Variants in HMBOX1 observed in about 807,000 individuals in gnomAD.
The protein encoded by HMBOX1 is homeobox containing 1.
HMBOX1 carries 14 observed loss-of-function variants against 54.5 expected under a neutral mutation model. That is an observed-to-expected ratio of 0.26 (90% CI 0.17 to 0.40). The LOEUF is 0.40. HMBOX1 is among the 10% of genes least tolerant of loss of function. The pLI is 1.00. For missense variants in HMBOX1, 332 were observed against 514.4 expected (o/e 0.65, Z 3.43); for synonymous variants, 160 against 181.0 (o/e 0.88, Z 0.93).
chr8:28,941,339 T>TA (rs1477847740), intron 1 of HMBOX1, among the ~76,000 whole-genome samples: 1 of 152,194 alleles, frequency 6.6e-6, no homozygotes, highest in Non-Finnish European at 1.5e-5. Flanking sequence ...GTCCTCAATT[T>TA]AAAAAACAAA....
chr8:28,926,306 C>T (rs10108824), intron 1 of HMBOX1, among the ~76,000 whole-genome samples: 21 of 148,042 alleles, frequency 1.4e-4, no homozygotes, highest in Admixed American at 6.0e-4. Flanking sequence ...TATATATATA[C>T]ACACACACAC....
intron 5 of HMBOX1, 24 bp downstream of exon 5, chr8:29,009,206 A>G (rs2132840226): frequency 6.5e-7 from 1 of 1,536,456 alleles, no homozygotes; most frequent in South Asian, 1.1e-5. Flanking sequence ...CCTTTTATTT[A>G]TTGCATCTGA....
intron 1 of HMBOX1, among the ~76,000 whole-genome samples, chr8:28,931,940 A>G (rs1585886067): frequency 6.6e-6 from 1 of 152,228 alleles, no homozygotes; most frequent in East Asian, 1.9e-4. Flanking sequence ...AATGAGCCTG[A>G]AACAATCTCT....
intron 1 of HMBOX1, among the ~76,000 whole-genome samples, chr8:28,954,765 G>A (rs1824104289): frequency 6.6e-6 from 1 of 152,200 alleles, no homozygotes; most frequent in African/African-American, 2.4e-5. Context: ...AAAGATGTAT[G>A]AAGAAGGATG....
intron 6 of HMBOX1, among the ~76,000 whole-genome samples, chr8:29,020,562 A>G (rs80180498): frequency 0.099 from 15,103 of 152,210 alleles, 995 homozygotes; most frequent in Middle Eastern, 0.16. Flanking sequence ...CATTAATTTT[A>G]ATTAATAAAT....
At chr8:29,010,095 T>C in intron 5 of HMBOX1, 1 of 981,296 alleles carries the variant, frequency 1.0e-6, no homozygotes, top group Non-Finnish European at 1.2e-6. Flanking sequence ...GGTCAGTTTC[T>C]CAATCCGAAT....
chr8:28,932,785 A>C (rs2131919863), intron 1 of HMBOX1, among the ~76,000 whole-genome samples: 1 of 152,334 alleles, frequency 6.6e-6, no homozygotes, highest in Non-Finnish European at 1.5e-5. Context: ...GCATTTAGGC[A>C]GAGGTGTGGC....
At chr8:29,014,158 T>C (rs1397570331) in intron 5 of HMBOX1, among the ~76,000 whole-genome samples, 1 of 152,218 alleles carries the variant, frequency 6.6e-6, no homozygotes, top group Non-Finnish European at 1.5e-5. Flanking sequence ...TACCAAATTT[T>C]TATATGTCTT....
intron 1 of HMBOX1, among the ~76,000 whole-genome samples, chr8:28,960,090 T>C (rs1825193888): frequency 6.6e-6 from 1 of 152,058 alleles, no homozygotes; most frequent in African/African-American, 2.4e-5. Flanking sequence ...GACTTACTTA[T>C]GCCTTCTGTA....
intron 1 of HMBOX1, among the ~76,000 whole-genome samples, chr8:28,942,392 A>G (rs1821600032): frequency 6.6e-6 from 1 of 152,172 alleles, no homozygotes; most frequent in Non-Finnish European, 1.5e-5. Flanking sequence ...AACTTGTTAC[A>G]TTTTTAAAAC....
chr8:29,022,417 CAAGAAGAAA>C (rs1801332405), intron 6 of HMBOX1, among the ~76,000 whole-genome samples: 2 of 151,890 alleles, frequency 1.3e-5, no homozygotes, highest in South Asian at 4.1e-4. Flanking sequence ...GACCCTATCT[CAAGAAGAAA>C]AAGAAGAATC....
intron 1 of HMBOX1, chr8:28,955,899 G>A (rs546175042): frequency 5.2e-4 from 79 of 151,238 alleles, no homozygotes; most frequent in African/African-American, 1.8e-3. Context: ...GTTGCAGTGA[G>A]TTGGGATTGT....
At chr8:28,944,453 T>A (rs936981028) in intron 1 of HMBOX1, among the ~76,000 whole-genome samples, 1 of 152,190 alleles carries the variant, frequency 6.6e-6, no homozygotes, top group Non-Finnish European at 1.5e-5. Flanking sequence ...AAATAAAGCT[T>A]ACCAAGAAAA....
In HMBOX1 at chr8:28,970,132, T is replaced by C. The variant is rs372949481; in HGVS notation, c.113T>C (p.Met38Thr). 1 of 1,614,062 alleles carries C rather than the reference T, an allele frequency of 6.2e-7. No individual in the cohort carries two copies. The highest frequency in any genetic ancestry group is 1.3e-5 in the African/African-American group (1 of 74,942). ...DLLQRLRRTG[M>T]TKHEILHALE... Reference sequence around the variant, plus strand: ...CTTCAGCGACTTCGGCGTACTGGAATGACTAAACATGAAATTCTCCATGCC... The same window carrying C: ...CTTCAGCGACTTCGGCGTACTGGAACGACTAAACATGAAATTCTCCATGCC... The change falls in exon 3 of 10, where the codon ATG becomes ACG. Residue 38 changes from methionine to threonine, a missense_variant. Around this residue, in one of 4 missense-constraint regions of HMBOX1, gnomAD observed 146 missense variants for 173.3 expected, o/e 0.84. Transcript: ENST00000287701. The surrounding 1 kb of genome is among the most constrained non-coding windows in gnomAD (Gnocchi z 4.3).
chr8:29,017,202 A>G (rs1487755621), intron 5 of HMBOX1, among the ~76,000 whole-genome samples: 2 of 152,184 alleles, frequency 1.3e-5, no homozygotes, highest in East Asian at 1.9e-4. Context: ...CCACATGGCT[A>G]TCCTGGGCTT....
chr8:29,051,749 T>C lies in HMBOX1; in HGVS notation c.*594T>C, dbSNP rs1486488649. 6.7e-6 allele frequency: 4 copies of C among 598,012 alleles called. No homozygotes were observed. Among genetic ancestry groups the C allele is most frequent in the Admixed American group, 2.5e-5 (1 of 40,738 alleles). The allele number at this position is 598,012 out of a possible 1,614,324, so 37.0% of individuals were successfully genotyped here. On this transcript the variant is annotated 3_prime_UTR_variant, in exon 10 of 10. Coordinates refer to ENST00000287701, the MANE Select transcript of HMBOX1 (RefSeq NM_001135726.3). ...TTGGGTGCTGTGCTAAGAATGTCAA[T>C]GGAAAAAGCCGATCTCAGATTTTGT... is the stretch of plus-strand genomic sequence containing the variant.
chr8:28,916,991 C>A (rs1368632453), intron 1 of HMBOX1, among the ~76,000 whole-genome samples: 1 of 149,226 alleles, frequency 6.7e-6, no homozygotes, highest in African/African-American at 2.5e-5. Flanking sequence ...CACTTGCGCC[C>A]AGGAGGCAGA....
At chr8:28,987,202 C>T (rs1375322860) in intron 4 of HMBOX1, among the ~76,000 whole-genome samples, 1 of 152,226 alleles carries the variant, frequency 6.6e-6, no homozygotes, top group African/African-American at 2.4e-5. Context: ...AAAGGTTAGG[C>T]ACAGATGTGG....
intron 1 of HMBOX1, among the ~76,000 whole-genome samples, chr8:28,918,844 G>A (rs1052290131): frequency 6.6e-6 from 1 of 152,078 alleles, no homozygotes; most frequent in Admixed American, 6.5e-5. Flanking sequence ...TGCTATTTAT[G>A]ATATATTATC....
Sources: allele counts gnomAD v4.1 joint callset (sites outside exome capture counted in the v4.1 genomes callset), GRCh38; gene constraint gnomAD v4.1.1; regional missense constraint gnomAD v4.1.1; non-coding constraint Gnocchi (gnomAD v3.1); transcripts MANE v1.5; gene names NCBI Gene and HGNC (gene_info 2026-07-23, HGNC 2026-07-21).